DAB1: variants seen among roughly 807,000 people sequenced by gnomAD.
The protein encoded by DAB1 is disabled homolog 1.
In DAB1, 15 loss-of-function variants were observed where a neutral mutation model predicts 64.6. The observed-to-expected ratio is 0.23, with a 90% CI of 0.16 to 0.36. The LOEUF is 0.36. Among genes scored for constraint, DAB1 ranks in the 10% least tolerant of loss-of-function variants. The pLI is 1.00. For synonymous variants in DAB1, 235 were observed against 251.9 expected, an observed-to-expected ratio of 0.93 and a Z score of 0.64; for missense variants, 596 against 706.7, an observed-to-expected ratio of 0.84 and a Z score of 1.78.
intron 6 of DAB1, among the ~76,000 whole-genome samples, chr1:57,682,903 C>T (rs1646652982): frequency 6.6e-6 from 1 of 152,160 alleles, no homozygotes; most frequent in Non-Finnish European, 1.5e-5. Flanking sequence ...CTCCTGCCTA[C>T]TAGCCCCTCC....
At chr1:57,136,017 C>T (rs1658047933) in intron 4 of DAB1, among the ~76,000 whole-genome samples, 2 of 152,126 alleles carry the variant, frequency 1.3e-5, no homozygotes, top group South Asian at 2.1e-4. Context: ...AAAACACAAA[C>T]CACTTCTTTG....
chr1:57,379,295 T>C (rs1681170774), intron 1 of DAB1, among the ~76,000 whole-genome samples: 1 of 152,174 alleles, frequency 6.6e-6, no homozygotes, highest in Non-Finnish European at 1.5e-5. Context: ...CTGTAAGATA[T>C]CTTAAAATGT....
chr1:58,363,842 T>C (rs1273800127), intron 3 of DAB1, among the ~76,000 whole-genome samples: 1 of 150,390 alleles, frequency 6.6e-6, no homozygotes, highest in Non-Finnish European at 1.5e-5. Context: ...GTTGCTGCAC[T>C]GGGGAGCCTC....
intron 6 of DAB1, among the ~76,000 whole-genome samples, chr1:57,739,668 G>T (rs1483086848): frequency 6.6e-6 from 1 of 150,822 alleles, no homozygotes; most frequent in Non-Finnish European, 1.5e-5. Flanking sequence ...GGCCAGGCTG[G>T]TCTCAAACTC....
intron 1 of DAB1, among the ~76,000 whole-genome samples, chr1:57,411,257 G>A (rs541464305): frequency 6.6e-6 from 1 of 152,310 alleles, no homozygotes; most frequent in African/African-American, 2.4e-5. Context: ...TCCGTGTGAT[G>A]AAATGGAAAG....
intron 2 of DAB1, among the ~76,000 whole-genome samples, chr1:57,222,680 A>AT (rs1397823710): frequency 6.6e-6 from 1 of 152,190 alleles, no homozygotes; most frequent in Non-Finnish European, 1.5e-5. Flanking sequence ...ACAGGTTCAC[A>AT]TACTGTCTTT....
At chr1:58,150,875 A>G (rs1214500719) in intron 4 of DAB1, among the ~76,000 whole-genome samples, 2 of 151,684 alleles carry the variant, frequency 1.3e-5, no homozygotes, top group Non-Finnish European at 2.9e-5. Context: ...CTGGTGTGTG[A>G]TGTTCCCCTT....
chr1:57,696,498 C>T (rs1388364945), intron 6 of DAB1, among the ~76,000 whole-genome samples: 1 of 151,944 alleles, frequency 6.6e-6, no homozygotes, highest in African/African-American at 2.4e-5. Context: ...CAAGCTGCTT[C>T]TTCAGACAGT....
At chr1:57,731,901 T>C (rs1190859196) in intron 6 of DAB1, among the ~76,000 whole-genome samples, 1 of 152,080 alleles carries the variant, frequency 6.6e-6, no homozygotes, top group Non-Finnish European at 1.5e-5. Flanking sequence ...ATCCGAAACA[T>C]ATGTGTTTGA....
intron 5 of DAB1, among the ~76,000 whole-genome samples, chr1:58,053,162 G>T (rs769309648): frequency 6.6e-6 from 1 of 152,138 alleles, no homozygotes; most frequent in Non-Finnish European, 1.5e-5. Flanking sequence ...TTCTAAAGCC[G>T]CTTTCACATA....
chr1:58,003,043 T>C (rs562628757), intron 5 of DAB1, among the ~76,000 whole-genome samples: 1 of 152,290 alleles, frequency 6.6e-6, no homozygotes, highest in East Asian at 1.9e-4. Context: ...ATAAAGACTA[T>C]CATATTAATG....
At chr1:57,970,554 G>A (rs910146598) in intron 5 of DAB1, among the ~76,000 whole-genome samples, 14 of 152,076 alleles carry the variant, frequency 9.2e-5, no homozygotes, top group African/African-American at 2.2e-4. Context: ...ATGGGGACCC[G>A]CCACTTTTGG....
chr1:58,340,156 T>A (rs1663216559), intron 4 of DAB1, among the ~76,000 whole-genome samples: 1 of 152,196 alleles, frequency 6.6e-6, no homozygotes, highest in South Asian at 2.1e-4. Flanking sequence ...TACAGACTTT[T>A]TATTTTACCC....
At chr1:57,274,726 G>T (rs150361837) in intron 2 of DAB1, among the ~76,000 whole-genome samples, 1 of 151,974 alleles carries the variant, frequency 6.6e-6, no homozygotes, top group Non-Finnish European at 1.5e-5. Context: ...GACTACAGGC[G>T]AGCACCACCA....
chr1:58,267,389 T>TTCATCACATTCTCCCCTACTTCCATTGGG (rs1553171592), intron 4 of DAB1, among the ~76,000 whole-genome samples: 3 of 152,290 alleles, frequency 2.0e-5, no homozygotes, highest in Non-Finnish European at 4.4e-5. Flanking sequence ...TCTTTGCAGG[T>TTCATCACATTCTCCCCTACTTCCATTGGG]TCATCACATT....
intron 12 of DAB1, among the ~76,000 whole-genome samples, 176 bp downstream of exon 12, chr1:57,014,707 T>C (rs192135233): frequency 6.6e-6 from 1 of 152,228 alleles, no homozygotes; most frequent in South Asian, 2.1e-4. Context: ...AGAAGGTTTG[T>C]ATGTTATCAG....
intron 7 of DAB1, among the ~76,000 whole-genome samples, chr1:57,614,868 C>CTTTTTTTTTTTTTTTTTTTTTT (rs34907824): frequency 5.2e-5 from 2 of 38,742 alleles, no homozygotes; most frequent in African/African-American, 1.2e-4. Context: ...TTCTTTCTTT[C>CTTTTTTTTTTTTTTTTTTTTTT]TTTTTTTTTT....
intron 3 of DAB1, chr1:58,473,803 A>G (rs1645390491): frequency 1.8e-6 from 1 of 561,998 alleles, no homozygotes; most frequent in Non-Finnish European, 3.2e-6. Context: ...CTCTGCAGAG[A>G]AAGTCTGAGC....
At chr1:58,203,929 C>T (rs1162840748) in intron 4 of DAB1, among the ~76,000 whole-genome samples, 2 of 152,158 alleles carry the variant, frequency 1.3e-5, no homozygotes, top group Non-Finnish European at 2.9e-5. Flanking sequence ...ATGAATGTTA[C>T]ATCTTGAGGT....
Sources: allele counts gnomAD v4.1 joint callset (sites outside exome capture counted in the v4.1 genomes callset), GRCh38; gene constraint gnomAD v4.1.1; transcripts MANE v1.5; gene names NCBI Gene and HGNC (gene_info 2026-07-23, HGNC 2026-07-21).